The following EXOC4 variants were observed in gnomAD, a reference collection of about 807,000 sequenced individuals.
EXOC4 encodes exocyst complex component 4, also known as SEC8-like 1.
Under a neutral mutation model 107.2 loss-of-function variants are expected in EXOC4, and 71 were observed. That is an observed-to-expected ratio of 0.66 (90% CI 0.55 to 0.81). The LOEUF (loss-of-function observed/expected upper bound fraction) is 0.81. EXOC4 is among the 30% of genes least tolerant of loss of function. The probability of loss-of-function intolerance (pLI) is 0.00; values close to 1 mark genes in which losing one functional copy is unlikely to be tolerated. For missense variants in EXOC4, 1,108 were observed against 1,189.6 expected (o/e 0.93, Z 1.01); for synonymous variants, 456 against 441.2 (o/e 1.03, Z -0.42).
intron 9 of EXOC4, among the ~76,000 whole-genome samples, chr7:133,564,693 G>C (rs1328165067): frequency 6.6e-6 from 1 of 152,138 alleles, no homozygotes; most frequent in Non-Finnish European, 1.5e-5. Flanking sequence ...ATGACCAGTA[G>C]GAGGCAGACT....
chr7:133,862,767 G>A (rs1268736134), intron 11 of EXOC4, among the ~76,000 whole-genome samples: 1 of 152,080 alleles, frequency 6.6e-6, no homozygotes, highest in Non-Finnish European at 1.5e-5. Context: ...AACTGAGGTA[G>A]TTATTATGTA....
At chr7:133,965,984 G>A (rs1250771098) in intron 14 of EXOC4, among the ~76,000 whole-genome samples, 5 of 152,078 alleles carry the variant, frequency 3.3e-5, no homozygotes, top group Non-Finnish European at 4.4e-5. Context: ...ATTTGTTTGT[G>A]TCCTCTCTTA....
At chr7:134,018,584 A>G (rs866236922) in intron 17 of EXOC4, among the ~76,000 whole-genome samples, 28 of 152,010 alleles carry the variant, frequency 1.8e-4, no homozygotes, top group Middle Eastern at 3.2e-3. Context: ...ACCTTCTCCA[A>G]TGTGCCTGGC....
At chr7:133,773,683 T>C (rs1796290456) in intron 10 of EXOC4, among the ~76,000 whole-genome samples, 1 of 152,024 alleles carries the variant, frequency 6.6e-6, no homozygotes, top group Non-Finnish European at 1.5e-5. Context: ...GAACTGATAA[T>C]ATAAATTTTT....
chr7:133,853,393 C>T (rs1036982640), intron 11 of EXOC4, among the ~76,000 whole-genome samples: 1 of 126,256 alleles, frequency 7.9e-6, no homozygotes. Context: ...CACACACACA[C>T]ACACAACTTT....
intron 11 of EXOC4, among the ~76,000 whole-genome samples, chr7:133,884,755 A>C (rs148909174): frequency 6.6e-6 from 1 of 152,280 alleles, no homozygotes; most frequent in East Asian, 1.9e-4. Flanking sequence ...GATACAGAGC[A>C]TTCGGCAAAC....
chr7:133,656,963 T>C (rs901362365), intron 10 of EXOC4, among the ~76,000 whole-genome samples: 1 of 152,178 alleles, frequency 6.6e-6, no homozygotes, highest in Non-Finnish European at 1.5e-5. Context: ...ATTTATCTAA[T>C]TTAACATATG....
intron 11 of EXOC4, among the ~76,000 whole-genome samples, chr7:133,835,932 A>G (rs1033081852): frequency 3.9e-5 from 6 of 152,342 alleles, no homozygotes; most frequent in Middle Eastern, 6.8e-3. Context: ...TACTAACCCA[A>G]TTATAGACCT....
intron 7 of EXOC4, among the ~76,000 whole-genome samples, chr7:133,390,831 C>T (rs1289306945): frequency 2.6e-5 from 4 of 152,142 alleles, no homozygotes. Context: ...TTAACAGCAT[C>T]TTATTTACTC....
intron 17 of EXOC4, among the ~76,000 whole-genome samples, chr7:134,018,171 T>C (rs996969724): frequency 2.6e-5 from 4 of 152,220 alleles, no homozygotes; most frequent in Non-Finnish European, 4.4e-5. Context: ...TGAAAAGATA[T>C]TAAGCTTGTT....
chr7:133,747,238 C>T (rs901161467), intron 10 of EXOC4, among the ~76,000 whole-genome samples: 1 of 152,052 alleles, frequency 6.6e-6, no homozygotes, highest in African/African-American at 2.4e-5. Flanking sequence ...TCTGAAATAC[C>T]ATGCTATTAT....
chr7:133,965,892 T>G (rs2116854738), intron 14 of EXOC4, among the ~76,000 whole-genome samples: 1 of 152,320 alleles, frequency 6.6e-6, no homozygotes, highest in African/African-American at 2.4e-5. Context: ...GAGGATAGCA[T>G]TGAATCTATG....
At chr7:133,289,359 C>T (rs921033582) in intron 3 of EXOC4, among the ~76,000 whole-genome samples, 1 of 152,150 alleles carries the variant, frequency 6.6e-6, no homozygotes, top group Non-Finnish European at 1.5e-5. Flanking sequence ...GAAACCAGTA[C>T]TTAAATCAGG....
chr7:133,521,211 G>A (rs1198774867), intron 9 of EXOC4, among the ~76,000 whole-genome samples: 1 of 152,088 alleles, frequency 6.6e-6, no homozygotes, highest in African/African-American at 2.4e-5. Flanking sequence ...GGAAACACTA[G>A]TTGGAAATTG....
intron 11 of EXOC4, among the ~76,000 whole-genome samples, chr7:133,830,086 A>G (rs1484479174): frequency 1.3e-5 from 2 of 152,182 alleles, no homozygotes; most frequent in African/African-American, 4.8e-5. Context: ...TACAAAGTCA[A>G]ATACAGATAA....
intron 10 of EXOC4, among the ~76,000 whole-genome samples, chr7:133,752,626 A>AT (rs1181205047): frequency 6.6e-6 from 1 of 152,234 alleles, no homozygotes. Context: ...AAAAGTGGTT[A>AT]TAAGTGTGAT....
At chr7:133,445,680 G>A (rs1259326405) in intron 7 of EXOC4, among the ~76,000 whole-genome samples, 1 of 152,110 alleles carries the variant, frequency 6.6e-6, no homozygotes, top group Non-Finnish European at 1.5e-5. Flanking sequence ...CTAATGTGCA[G>A]CAGTAGCTGT....
intron 7 of EXOC4, among the ~76,000 whole-genome samples, chr7:133,431,648 A>G (rs1716816577): frequency 6.6e-6 from 1 of 152,214 alleles, no homozygotes; most frequent in Admixed American, 6.5e-5. Context: ...TAAATGTAGC[A>G]TAGCTTAAGT....
At position 133,288,924 on chromosome 7, in the gene EXOC4, A is replaced by G. The variant is rs1030956085; in HGVS notation, c.279A>G (p.Val93=). 3.1e-6 allele frequency: 5 copies of G among 1,613,914 alleles called. No individual in the cohort carries two copies. The highest frequency in any genetic ancestry group is 4.2e-6 in the Non-Finnish European group (5 of 1,179,884). The change falls in exon 3 of 18, where the codon GTA becomes GTG. Residue 93 remains valine (V), a splice_region_variant and synonymous_variant. Transcript: ENST00000253861. The stretch of plus-strand genomic sequence containing the variant: ...AGACCGAATCTGTTTTATTGTAGGT[A>G]AAAGAGAACCTGCTTTCATGCAAGA... The part of the protein sequence containing the change: ...ITNSRNKIKQ[V]KENLLSCKML...
Sources: gnomAD v4.1 joint callset for allele counts (sites outside exome capture counted in the v4.1 genomes callset) on GRCh38, gnomAD v4.1.1 for gene constraint, MANE v1.5 for transcripts, NCBI Gene and HGNC (gene_info 2026-07-23, HGNC 2026-07-21) for gene names.